CSMD2: variants seen among roughly 807,000 people sequenced by gnomAD.
CSMD2 encodes the protein CUB and sushi domain-containing protein 2.
CSMD2 carries 130 observed loss-of-function variants against 398.5 expected under a neutral mutation model. The ratio of observed to expected loss-of-function variants is 0.33; its 90% CI spans 0.28 to 0.38. The LOEUF is 0.38. Among genes scored for constraint, CSMD2 ranks in the 10% least tolerant of loss-of-function variants. CSMD2 has a pLI of 1.00. For missense variants in CSMD2, 3,829 were observed against 4,764.9 expected (o/e 0.80, Z 5.78); for synonymous variants, 1,828 against 1,908.5 (o/e 0.96, Z 1.10).
At chr1:33,605,219 T>G in intron 42 of CSMD2, 63 bp downstream of exon 42, 1 of 1,461,620 alleles carries the variant, frequency 6.8e-7, no homozygotes, top group Non-Finnish European at 9.4e-7. Context: ...AACATGGGAT[T>G]GCTCTGGACC....
rs1656239090 is a variant in CSMD2, at chr1:33,540,638, A to G, written c.9518T>C (p.Met3173Thr). 1.9e-6 allele frequency: 3 copies of G among 1,614,054 alleles called. No homozygotes were observed. The highest frequency in any genetic ancestry group is 1.7e-5 in the Admixed American group (1 of 60,002). ...GGCATAAGTCACACTTGAGCCCCAC[A>G]TGAAGTCAGACCCCACCACCTTCCC... ...PNGKVVGSDF[M>T]WGSSVTYACL... The change falls in exon 60 of 71, where the codon ATG (methionine) becomes ACG (threonine). Residue 3173 changes from methionine to threonine, a missense_variant. Physicochemically the swap from Met to Thr is moderately conservative, Grantham distance 81 (BLOSUM62 -1). Around this residue, in one of 5 missense-constraint regions of CSMD2, gnomAD observed 917 missense variants for 1,199.5 expected, o/e 0.76. Transcript: ENST00000373381.
chr1:34,160,400 G>GC (rs968455062), intron 1 of CSMD2, among the ~76,000 whole-genome samples: 1 of 152,202 alleles, frequency 6.6e-6, no homozygotes, highest in African/African-American at 2.4e-5. Flanking sequence ...AGAGTGGTAT[G>GC]CCAAGGGCTT....
chr1:33,761,990 G>A (rs966316157), intron 13 of CSMD2, among the ~76,000 whole-genome samples: 2 of 152,140 alleles, frequency 1.3e-5, no homozygotes, highest in Non-Finnish European at 1.5e-5. Context: ...CCAAAAGATT[G>A]CTCTTGTACA....
At chr1:33,546,314 A>G in intron 56 of CSMD2, 95 bp from the exon 57 acceptor site, 1 of 1,277,332 alleles carries the variant, frequency 7.8e-7, no homozygotes, top group Non-Finnish European at 1.1e-6. Context: ...GACTAAGGGG[A>G]TGCAGTGGGT....
chr1:33,647,246 G>A (rs74066672), intron 28 of CSMD2, among the ~76,000 whole-genome samples: 2,863 of 152,150 alleles, frequency 0.019, 85 homozygotes, highest in African/African-American at 0.065. Flanking sequence ...GAGAGAATGA[G>A]CCAACTATGG....
At chr1:34,109,327 A>G (rs992935475) in intron 1 of CSMD2, among the ~76,000 whole-genome samples, 2 of 152,190 alleles carry the variant, frequency 1.3e-5, no homozygotes, top group Non-Finnish European at 2.9e-5. Context: ...AGTTGTTCCT[A>G]TCAAAAGGGA....
At chr1:33,992,359 A>G (rs1456266992) in intron 3 of CSMD2, among the ~76,000 whole-genome samples, 1 of 152,050 alleles carries the variant, frequency 6.6e-6, no homozygotes, top group Admixed American at 6.5e-5. Flanking sequence ...CACCAGGCTC[A>G]CCATGCCCTT....
intron 2 of CSMD2, among the ~76,000 whole-genome samples, chr1:34,082,607 A>T (rs962705103): frequency 2.0e-5 from 3 of 152,240 alleles, no homozygotes; most frequent in Non-Finnish European, 4.4e-5. Context: ...GGCCATGATG[A>T]CGATGGCGGT....
chr1:33,890,380 G>A (rs868398977), intron 5 of CSMD2, among the ~76,000 whole-genome samples: 35 of 151,714 alleles, frequency 2.3e-4, no homozygotes, highest in Non-Finnish European at 4.1e-4. Context: ...AAAGGCGTCT[G>A]CCACCACGCC....
At chr1:33,857,196 A>G (rs143056832) in intron 5 of CSMD2, among the ~76,000 whole-genome samples, 2 of 152,042 alleles carry the variant, frequency 1.3e-5, no homozygotes, top group Non-Finnish European at 2.9e-5. Context: ...CACCCACTTC[A>G]TTGAGTGGTT....
intron 5 of CSMD2, among the ~76,000 whole-genome samples, chr1:33,903,040 C>G (rs1462940655): frequency 6.6e-6 from 1 of 152,198 alleles, no homozygotes; most frequent in Non-Finnish European, 1.5e-5. Context: ...ATAGCTGAAA[C>G]TGACGTGGCT....
chr1:33,842,522 T>C (rs1660957417), intron 6 of CSMD2, among the ~76,000 whole-genome samples: 3 of 152,108 alleles, frequency 2.0e-5, no homozygotes, highest in Admixed American at 2.0e-4. Context: ...CTTGCTTTTC[T>C]CTAGGTGGCA....
intron 3 of CSMD2, among the ~76,000 whole-genome samples, chr1:33,965,669 A>C (rs907528623): frequency 6.6e-6 from 1 of 152,240 alleles, no homozygotes; most frequent in African/African-American, 2.4e-5. Context: ...AATACAGGTA[A>C]GAATGGCTAC....
rs1239054251 is a variant in CSMD2 at position 33,863,860 on chromosome 1, G to C, written c.921-16864C>G. ...GGAAGCCAAGGAGAATTATTTCTGGGGGACATAGCTGCCTCATAGCCTACT... is the reference window on the plus strand; with the variant it reads ...GGAAGCCAAGGAGAATTATTTCTGGCGGACATAGCTGCCTCATAGCCTACT... On this transcript the variant is annotated intron_variant, in intron 5 of 70. Coordinates refer to ENST00000373381, the MANE Select transcript of CSMD2 (RefSeq NM_001281956.2). The C allele has an allele frequency of 4.3e-5, 9 of 209,588 alleles. No homozygotes were observed. In the Admixed American group the frequency reaches 4.9e-4, roughly 11 times the overall value. The allele number at this position is 209,588 out of a possible 1,614,324, so 13.0% of individuals were successfully genotyped here.
At chr1:34,069,304 G>A (rs1407545972) in intron 2 of CSMD2, among the ~76,000 whole-genome samples, 1 of 152,206 alleles carries the variant, frequency 6.6e-6, no homozygotes, top group Non-Finnish European at 1.5e-5. Context: ...CTGCAGTGGT[G>A]AACAAGACAG....
intron 5 of CSMD2, chr1:33,869,241 C>G (rs1640271243): frequency 6.6e-6 from 1 of 152,166 alleles, no homozygotes. Context: ...AGGGGATTAC[C>G]CCTCTGCCCC....
chr1:33,847,502 T>C (rs1173384820), intron 5 of CSMD2, among the ~76,000 whole-genome samples: 3 of 151,916 alleles, frequency 2.0e-5, no homozygotes, highest in Admixed American at 6.6e-5. Context: ...ACTTAACCTT[T>C]TGGAGAACAG....
intron 5 of CSMD2, among the ~76,000 whole-genome samples, chr1:33,890,094 T>C (rs1641891148): frequency 6.6e-6 from 1 of 152,140 alleles, no homozygotes; most frequent in African/African-American, 2.4e-5. Context: ...AGAGTTTCTT[T>C]ATTCAGTTTT....
intron 10 of CSMD2, among the ~76,000 whole-genome samples, chr1:33,810,229 G>A (rs1334616542): frequency 1.3e-5 from 2 of 152,156 alleles, no homozygotes; most frequent in East Asian, 1.9e-4. Flanking sequence ...ATGAAAAAAT[G>A]TATGTAGAAG....
Sources: allele counts gnomAD v4.1 joint callset (sites outside exome capture counted in the v4.1 genomes callset), GRCh38; gene constraint gnomAD v4.1.1; regional missense constraint gnomAD v4.1.1; transcripts MANE v1.5; gene names NCBI Gene and HGNC (gene_info 2026-07-23, HGNC 2026-07-21).